Variants in KAZN observed in about 807,000 individuals in gnomAD.
The protein encoded by KAZN is kazrin, periplakin interacting protein.
In KAZN, 40 loss-of-function variants were observed where a neutral mutation model predicts 87.4. The ratio of observed to expected loss-of-function variants is 0.46; its 90% CI spans 0.36 to 0.60. The LOEUF is 0.60. Ranked by LOEUF, KAZN falls within the 20% of genes least tolerant of loss-of-function variation. KAZN has a pLI of 0.00. For missense variants in KAZN, 898 were observed against 1,073.9 expected, an observed-to-expected ratio of 0.84 and a Z score of 2.29; for synonymous variants, 466 against 458.3, an observed-to-expected ratio of 1.02 and a Z score of -0.22.
chr1:14,079,098 G>A (rs1018602056), intron 1 of KAZN, among the ~76,000 whole-genome samples: 3 of 152,206 alleles, frequency 2.0e-5, no homozygotes, highest in African/African-American at 4.8e-5. Flanking sequence ...TCACGATTCT[G>A]CGGGCTGTAC....
chr1:14,764,402 G>A (rs1485576262), intron 1 of KAZN, among the ~76,000 whole-genome samples: 3 of 122,028 alleles, frequency 2.5e-5, no homozygotes, highest in Non-Finnish European at 5.1e-5. Context: ...CCCACAATGT[G>A]GGCATTCCTT....
intron 1 of KAZN, among the ~76,000 whole-genome samples, chr1:14,116,220 G>A (rs1421022244): frequency 6.6e-6 from 1 of 152,184 alleles, no homozygotes; most frequent in Non-Finnish European, 1.5e-5. Flanking sequence ...TGGGGAAATT[G>A]TCTCCAGGGC....
At chr1:14,283,427 G>A (rs1485163778) in intron 2 of KAZN, among the ~76,000 whole-genome samples, 1 of 152,118 alleles carries the variant, frequency 6.6e-6, no homozygotes, top group Non-Finnish European at 1.5e-5. Context: ...AAAAAATGGG[G>A]AAAGGATCCA....
At chr1:14,803,844 T>C (rs1270226294) in intron 1 of KAZN, among the ~76,000 whole-genome samples, 1 of 152,230 alleles carries the variant, frequency 6.6e-6, no homozygotes, top group African/African-American at 2.4e-5. Context: ...TGGCCTTCCT[T>C]CCAATCCATG....
At chr1:14,086,016 C>T (rs1643842204) in intron 1 of KAZN, among the ~76,000 whole-genome samples, 1 of 151,834 alleles carries the variant, frequency 6.6e-6, no homozygotes, top group South Asian at 2.1e-4. Flanking sequence ...TCTTATTGGC[C>T]CTCATATTCT....
rs1640931923 is a variant in KAZN at position 15,099,121 on chromosome 1, G to T, written c.1548-2422G>T. Among the ~76,000 whole-genome samples, 1 of 152,176 alleles carries T rather than the reference G, an allele frequency of 6.6e-6. No homozygotes were observed. Among genetic ancestry groups the T allele is most frequent in the Non-Finnish European group, 1.5e-5 (1 of 68,026 alleles). ...GGAGTTCACTGGGGGAAGAGGGTGG[G>T]GTAGAGGACAGGCCCGGAGACAAGG... On this transcript the variant is annotated intron_variant, in intron 10 of 14. Transcript: ENST00000376030. This position sits in a 1 kb window ranked among gnomAD's most constrained non-coding sequence, Gnocchi z 5.4.
At chr1:14,814,345 G>GCCT (rs1646503212) in intron 1 of KAZN, among the ~76,000 whole-genome samples, 1 of 152,116 alleles carries the variant, frequency 6.6e-6, no homozygotes, top group African/African-American at 2.4e-5. Flanking sequence ...TCCTGCCTCA[G>GCCT]CCTCCCGAGT....
chr1:14,026,973 A>T (rs1311930011), intron 1 of KAZN, among the ~76,000 whole-genome samples: 2 of 152,156 alleles, frequency 1.3e-5, no homozygotes, highest in African/African-American at 4.8e-5. Context: ...GAGTAAGGGA[A>T]GCCTGGTCCA....
rs1012947041 is a variant in KAZN, at chr1:14,599,855, A to G, written c.226+632A>G. ...CACCGAGAGCACTTTCCAGGGGGAT[A>G]CTGTAGACCTCAAAGGTTGAGCGGT... On this transcript the variant is annotated intron_variant, in intron 1 of 14. Transcript: ENST00000376030. The surrounding 1 kb of genome is among the most constrained non-coding windows in gnomAD (Gnocchi z 4.4). Among the ~76,000 whole-genome samples, 1 of 152,098 alleles carries G rather than the reference A, an allele frequency of 6.6e-6. No individual in the cohort carries two copies. The highest frequency in any genetic ancestry group is 2.4e-5 in the African/African-American group (1 of 41,410).
At chr1:14,044,636 G>A (rs1216402746) in intron 1 of KAZN, among the ~76,000 whole-genome samples, 1 of 152,110 alleles carries the variant, frequency 6.6e-6, no homozygotes, top group Non-Finnish European at 1.5e-5. Context: ...AGATAAACCA[G>A]GCAATTTTCT....
intron 1 of KAZN, among the ~76,000 whole-genome samples, chr1:14,148,282 C>T (rs1645396544): frequency 6.6e-6 from 1 of 152,176 alleles, no homozygotes; most frequent in African/African-American, 2.4e-5. Flanking sequence ...TCATCCCCTG[C>T]TTCTCCTCTC....
At chr1:14,728,277 A>T (rs1367659530) in intron 1 of KAZN, among the ~76,000 whole-genome samples, 3 of 132,528 alleles carry the variant, frequency 2.3e-5, no homozygotes, top group Non-Finnish European at 4.7e-5. Context: ...CAAGAGTGAA[A>T]CACCGTATAT....
Position 14,292,488 on chromosome 1 carries a change from G to A in KAZN, c.249+111896G>A, listed in dbSNP as rs75360302. On this transcript the variant is annotated intron_variant, in intron 2 of 16. Coordinates refer to the KAZN transcript ENST00000636203. ...GAGCTGCGAGATATAGGGATAGGCG[G>A]AGTCCTTGTGGTGGTAGATGGGGCT... is the stretch of plus-strand genomic sequence containing the variant. 1.3e-3 allele frequency among the ~76,000 whole-genome samples: 198 copies of A among 152,290 alleles called. 4 individuals are homozygous for A. The East Asian group carries it at 0.036, about 28-fold the overall frequency.
Position 15,081,290 on chromosome 1 carries a change from A to G in KAZN, c.1223-12890A>G, listed in dbSNP as rs1639993535. On this transcript the variant is annotated intron_variant, in intron 8 of 14. Transcript: ENST00000376030. The surrounding 1 kb of genome is among the most constrained non-coding windows in gnomAD (Gnocchi z 4.1). ...CAGTGACAGCCTGCCGGTCACTGAA[A>G]TTGGCCACAATAGGAGTATTTACAC... 6.6e-6 allele frequency among the ~76,000 whole-genome samples: 1 copy of G among 152,236 alleles called. No homozygotes were observed. The highest frequency in any genetic ancestry group is 2.4e-5 in the African/African-American group (1 of 41,468).
Position 14,960,666 on chromosome 1 carries a change from T to C in KAZN, c.227-18T>C. 1.3e-6 allele frequency: 2 copies of C among 1,555,660 alleles called. No homozygotes were observed. The highest frequency in any genetic ancestry group is 1.7e-6 in the Non-Finnish European group (2 of 1,148,940). ...CAGAGACGTTCCTGTCCTCTAACCC[T>C]GTGCCCTTCTCCCCTAGTGCTCCTG... On this transcript the variant is annotated intron_variant, in intron 1 of 14. Transcript: ENST00000376030.
chr1:14,261,006 C>T (rs1349859490), intron 2 of KAZN, among the ~76,000 whole-genome samples: 1 of 152,208 alleles, frequency 6.6e-6, no homozygotes, highest in East Asian at 1.9e-4. Context: ...TGAACACACA[C>T]AGCATGCTGT....
Position 14,996,574 on chromosome 1 carries a change from G to T in KAZN, c.418+35699G>T, listed in dbSNP as rs531469980. Among the ~76,000 whole-genome samples, 1 of 152,340 alleles carries T rather than the reference G, an allele frequency of 6.6e-6. No homozygotes were observed. The highest frequency in any genetic ancestry group is 1.5e-5 in the Non-Finnish European group (1 of 68,030). On this transcript the variant is annotated intron_variant, in intron 2 of 14. Transcript: ENST00000376030. This position sits in a 1 kb window ranked among gnomAD's most constrained non-coding sequence, Gnocchi z 5.9. Reference sequence around the variant, plus strand: ...CCTGACCACACCTGCCTGCAGTGGGGAGAAGGCTTATGGCAACGCGTTTCT... The same window carrying T: ...CCTGACCACACCTGCCTGCAGTGGGTAGAAGGCTTATGGCAACGCGTTTCT...
intron 1 of KAZN, among the ~76,000 whole-genome samples, chr1:14,601,122 CTG>C (rs1335177187): frequency 6.6e-6 from 1 of 152,220 alleles, no homozygotes; most frequent in Admixed American, 6.5e-5. Flanking sequence ...GCTCTCAGGA[CTG>C]TGCCTGCCCA....
At chr1:14,546,827 GC>G (rs1471587369) in intron 2 of KAZN, among the ~76,000 whole-genome samples, 1 of 152,128 alleles carries the variant, frequency 6.6e-6, no homozygotes, top group Non-Finnish European at 1.5e-5. Context: ...TTTTAAAGAA[GC>G]ATCTTTCTTG....
Sources: allele counts gnomAD v4.1 joint callset (sites outside exome capture counted in the v4.1 genomes callset), GRCh38; gene constraint gnomAD v4.1.1; non-coding constraint Gnocchi (gnomAD v3.1); transcripts MANE v1.5; gene names NCBI Gene and HGNC (gene_info 2026-07-23, HGNC 2026-07-21).